The following PPP6R3 variants were observed in gnomAD, a reference collection of about 807,000 sequenced individuals.
PPP6R3 encodes protein phosphatase 6 regulatory subunit 3.
In PPP6R3, 38 loss-of-function variants were observed where a neutral mutation model predicts 110.7. That is an observed-to-expected ratio of 0.34 (90% confidence interval 0.26 to 0.45). The LOEUF (loss-of-function observed/expected upper bound fraction) is 0.45. Among genes scored for constraint, PPP6R3 ranks in the 20% least tolerant of loss-of-function variants. The probability of loss-of-function intolerance (pLI) is 1.00; values close to 1 mark genes in which losing one functional copy is unlikely to be tolerated. For synonymous variants in PPP6R3, 369 were observed against 373.5 expected (o/e 0.99, Z 0.14); for missense variants, 870 against 1,062.4 (o/e 0.82, Z 2.52).
chr11:68,515,239 G>A (rs189287148), intron 1 of PPP6R3: 755 of 152,058 alleles, frequency 5.0e-3, no homozygotes, highest in African/African-American at 0.011. Flanking sequence ...TCTGCTGGGG[G>A]CTGCAGCCTT....
chr11:68,574,424 C>T (rs920870287), intron 13 of PPP6R3, among the ~76,000 whole-genome samples, 200 bp downstream of exon 13: 2 of 152,162 alleles, frequency 1.3e-5, no homozygotes, highest in Non-Finnish European at 2.9e-5. Context: ...CATGTAGTTA[C>T]AGACCATTCC....
intron 14 of PPP6R3, among the ~76,000 whole-genome samples, chr11:68,576,323 C>T (rs1565958664): frequency 6.6e-6 from 1 of 152,214 alleles, no homozygotes; most frequent in African/African-American, 2.4e-5. Context: ...GCCCTGCTGC[C>T]GAGCACCTCA....
intron 8 of PPP6R3, among the ~76,000 whole-genome samples, chr11:68,561,148 A>G (rs1051943793): frequency 2.0e-5 from 3 of 152,092 alleles, no homozygotes; most frequent in African/African-American, 7.2e-5. Flanking sequence ...CGGCCTCCCA[A>G]AGTGCTGGGA....
intron 1 of PPP6R3, among the ~76,000 whole-genome samples, chr11:68,511,922 C>G (rs1017244057): frequency 6.6e-6 from 1 of 152,182 alleles, no homozygotes; most frequent in African/African-American, 2.4e-5. Flanking sequence ...TGCTGGCTCT[C>G]CCATTCTGTG....
chr11:68,544,700 G>A (rs2099341194), intron 3 of PPP6R3, 138 bp from the exon 4 acceptor site: 1 of 618,526 alleles, frequency 1.6e-6, no homozygotes, highest in Non-Finnish European at 2.7e-6. Flanking sequence ...GAACAGAATG[G>A]ATTGAAATGA....
intron 6 of PPP6R3, among the ~76,000 whole-genome samples, chr11:68,552,891 A>G (rs926140389): frequency 2.0e-5 from 3 of 152,232 alleles, no homozygotes; most frequent in Non-Finnish European, 4.4e-5. Context: ...TGAGAAGGAC[A>G]CTGCATTGTG....
At chr11:68,607,932 C>A (rs1263399220) in intron 22 of PPP6R3, among the ~76,000 whole-genome samples, 6 of 151,962 alleles carry the variant, frequency 3.9e-5, no homozygotes, top group Admixed American at 3.9e-4. Context: ...TGCCACCACT[C>A]CTGGCTTAAT....
In PPP6R3 at chr11:68,596,232, T is replaced by G; in HGVS notation, c.2038+14T>G. 1.2e-6 allele frequency: 2 copies of G among 1,614,196 alleles called. No individual in the cohort carries two copies. Among genetic ancestry groups the G allele is most frequent in the Non-Finnish European group, 1.7e-6 (2 of 1,180,008 alleles). ...ACCTGAGTGAACGTAAGTGGATTCA[T>G]TCTTCAGATCAGCTGCCCTGTGTTG... On this transcript the variant is annotated intron_variant, in intron 19 of 23. Coordinates refer to ENST00000393800, the MANE Select transcript of PPP6R3 (RefSeq NM_001164161.2).
At chr11:68,486,091 C>G (rs1175188743) in intron 1 of PPP6R3, among the ~76,000 whole-genome samples, 1 of 150,994 alleles carries the variant, frequency 6.6e-6, no homozygotes, top group Non-Finnish European at 1.5e-5. Flanking sequence ...TTAAAGCAGC[C>G]TTAAATACGG....
At chr11:68,594,351 A>T (rs375385927) in intron 18 of PPP6R3, among the ~76,000 whole-genome samples, 2 of 147,108 alleles carry the variant, frequency 1.4e-5, no homozygotes, top group African/African-American at 5.3e-5. Context: ...AGAGAGTGAG[A>T]GAGAGAGAGA....
intron 1 of PPP6R3, among the ~76,000 whole-genome samples, chr11:68,503,153 A>G (rs982811465): frequency 6.6e-6 from 1 of 152,112 alleles, no homozygotes; most frequent in African/African-American, 2.4e-5. Flanking sequence ...CATATTGGAC[A>G]GGCTGGTCTC....
In PPP6R3 at chr11:68,519,501, G is replaced by A. The variant is rs1379931733; in HGVS notation, c.-157G>A. 2 of 397,922 alleles carry A rather than the reference G, an allele frequency of 5.0e-6. No homozygotes were observed. The allele number at this position is 397,922 out of a possible 1,614,324, so 24.6% of individuals were successfully genotyped here. ...ATCTGCTTTTTTTTTTCTTTTACAG[G>A]AGAGCTTGTTTCATATCCATATCCC... On this transcript the variant is annotated splice_region_variant and 5_prime_UTR_variant, in exon 2 of 24. Coordinates refer to ENST00000393800, the MANE Select transcript of PPP6R3 (RefSeq NM_001164161.2).
Position 68,593,020 on chromosome 11 carries a change from T to C in PPP6R3, c.1916+1314T>C, listed in dbSNP as rs1432444702. 2.6e-5 allele frequency among the ~76,000 whole-genome samples: 4 copies of C among 152,330 alleles called. No homozygotes were observed. In the East Asian group the frequency reaches 7.7e-4, roughly 29 times the overall value. On this transcript the variant is annotated intron_variant, in intron 18 of 23. Coordinates refer to ENST00000393800, the MANE Select transcript of PPP6R3 (RefSeq NM_001164161.2). ...GATGACAGAAGGCAGCTTTTATTATTTAACAACTCTATTGAGGCATACTTG... is the reference window on the plus strand; with the variant it reads ...GATGACAGAAGGCAGCTTTTATTATCTAACAACTCTATTGAGGCATACTTG...
rs374352651 is a variant in PPP6R3, at chr11:68,479,747, C to CT, written c.-158+18929dup. On this transcript the variant is annotated intron_variant, in intron 1 of 23. Coordinates refer to ENST00000393800, the MANE Select transcript of PPP6R3 (RefSeq NM_001164161.2). Reference sequence around the variant, plus strand: ...TCTCTGCCTGAGGGTTGGTTTCTTTCTTTTTTTTTGAGACAGGTCCTTGCT... The same window carrying CT: ...TCTCTGCCTGAGGGTTGGTTTCTTTCTTTTTTTTTTGAGACAGGTCCTTGCT... 6.9e-3 allele frequency among the ~76,000 whole-genome samples: 1,040 copies of CT among 150,768 alleles called. 12 individuals are homozygous for CT. The highest frequency in any genetic ancestry group is 0.024 in the African/African-American group (985 of 41,112).
At chr11:68,599,721 A>G (rs1371486991) in intron 19 of PPP6R3, among the ~76,000 whole-genome samples, 4 of 152,258 alleles carry the variant, frequency 2.6e-5, no homozygotes, top group Non-Finnish European at 5.9e-5. Context: ...CCCAAGTATG[A>G]ATACAGCCAT....
rs142875630 is a variant in PPP6R3 at position 68,535,968 on chromosome 11, C to G, written c.-6-1691C>G. On this transcript the variant is annotated intron_variant, in intron 2 of 23. Coordinates refer to ENST00000393800, the MANE Select transcript of PPP6R3 (RefSeq NM_001164161.2). ...GGTGACAGAGCAAGACTCTGTCTCG[C>G]AAAAAACAAACAAAAAACTCTGCCT... 2.9e-3 allele frequency among the ~76,000 whole-genome samples: 438 copies of G among 151,694 alleles called. 3 individuals carry two copies. Among genetic ancestry groups the G allele is most frequent in the African/African-American group, 9.7e-3 (400 of 41,338 alleles).
At chr11:68,517,231 C>G (rs1220252879) in intron 1 of PPP6R3, among the ~76,000 whole-genome samples, 1 of 150,192 alleles carries the variant, frequency 6.7e-6, no homozygotes, top group East Asian at 2.0e-4. Flanking sequence ...TTGCATTTTT[C>G]TGTTTGTTTT....
At chr11:68,612,837 G>GT in intron 23 of PPP6R3, 1 of 780,524 alleles carries the variant, frequency 1.3e-6, no homozygotes, top group Non-Finnish European at 1.9e-6. Context: ...TTGCTCTGCT[G>GT]CTGCCCTTGC....
At chr11:68,564,553 A>C (rs902353364) in intron 9 of PPP6R3, 121 bp downstream of exon 9, 58 of 1,071,894 alleles carry the variant, frequency 5.4e-5, no homozygotes, top group Non-Finnish European at 7.3e-5. Context: ...AAAATGAGTG[A>C]AAAGATAACA....
Sources: gnomAD v4.1 joint callset for allele counts (sites outside exome capture counted in the v4.1 genomes callset) on GRCh38, gnomAD v4.1.1 for gene constraint, MANE v1.5 for transcripts, NCBI Gene and HGNC (gene_info 2026-07-23, HGNC 2026-07-21) for gene names.